FRYL: variants seen among roughly 807,000 people sequenced by gnomAD.
The protein encoded by FRYL is FRY like transcription coactivator, also known as protein furry homolog-like.
FRYL carries 150 observed loss-of-function variants against 351.2 expected under a neutral mutation model. The ratio of observed to expected loss-of-function variants is 0.43; its 90% confidence interval spans 0.37 to 0.49. The LOEUF is 0.49. FRYL is among the 20% of genes least tolerant of loss of function. The pLI, the probability that FRYL is intolerant of heterozygous loss-of-function variation, is 0.00. For synonymous variants in FRYL, 1,153 were observed against 1,257.1 expected (o/e 0.92, Z 1.75); for missense variants, 3,036 against 3,619.3 (o/e 0.84, Z 4.13).
intron 2 of FRYL, among the ~76,000 whole-genome samples, chr4:48,696,075 G>A (rs1281622056): frequency 3.3e-5 from 5 of 152,162 alleles, no homozygotes; most frequent in African/African-American, 4.8e-5. Flanking sequence ...TTACACTGTC[G>A]GTGGGAGGGT....
intron 59 of FRYL, among the ~76,000 whole-genome samples, chr4:48,507,489 C>CAATG (rs1327942723): frequency 5.3e-5 from 8 of 151,878 alleles, no homozygotes; most frequent in Non-Finnish European, 1.0e-4. Flanking sequence ...CCTGCAAGGA[C>CAATG]AATGATGGAA....
In FRYL at chr4:48,549,390, G is replaced by T; in HGVS notation, c.4784+83C>A. 8.0e-7 allele frequency: 1 copy of T among 1,251,406 alleles called. No homozygotes were observed. Among genetic ancestry groups the T allele is most frequent in the Non-Finnish European group, 1.1e-6 (1 of 906,306 alleles). The allele number at this position is 1,251,406 out of a possible 1,614,324, so 77.5% of individuals were successfully genotyped here. A position where few individuals can be genotyped will look rare whatever the true frequency, so the allele number is the denominator to read the frequency against. On this transcript the variant is annotated intron_variant, in intron 39 of 63. Coordinates refer to ENST00000358350, the MANE Select transcript of FRYL (RefSeq NM_015030.2). The surrounding 1 kb of genome is among the most constrained non-coding windows in gnomAD (Gnocchi z 4.2). ...CCATAAAGAAGATTGCTTTCATTCT[G>T]TGTTGTCAGATAGCACAAAGAAAGC...
intron 23 of FRYL, 82 bp from the exon 24 acceptor site, chr4:48,576,304 C>CTT (rs780306789): frequency 2.6e-3 from 2,015 of 764,940 alleles, no homozygotes; most frequent in African/African-American, 2.8e-3. Flanking sequence ...TGCTAAATTT[C>CTT]TTTTTTTTTT....
chr4:48,505,951 G>C (rs578063919), intron 59 of FRYL: 5 of 192,152 alleles, frequency 2.6e-5, no homozygotes, highest in Non-Finnish European at 4.2e-5. Flanking sequence ...TTTGTGTAAC[G>C]TAAGACGGGG....
intron 35 of FRYL, among the ~76,000 whole-genome samples, chr4:48,554,453 C>T (rs1291632828): frequency 1.3e-5 from 2 of 152,114 alleles, no homozygotes; most frequent in Non-Finnish European, 2.9e-5. Flanking sequence ...ATTCCCCCTG[C>T]GTCAGCCTCC....
intron 4 of FRYL, among the ~76,000 whole-genome samples, chr4:48,623,578 C>A (rs1398825417): frequency 2.6e-5 from 4 of 152,126 alleles, no homozygotes; most frequent in African/African-American, 9.7e-5. Context: ...CAGCCTAGTA[C>A]AGAGATTATC....
At chr4:48,626,498 A>C (rs1751857975) in intron 4 of FRYL, among the ~76,000 whole-genome samples, 1 of 152,068 alleles carries the variant, frequency 6.6e-6, no homozygotes, top group South Asian at 2.1e-4. Context: ...CAATTAGTTT[A>C]ACTTAAAATA....
rs373521667 is a variant in FRYL at position 48,620,634 on chromosome 4, C to G, written c.314+5G>C. 1 of 1,609,984 alleles carries G rather than the reference C, an allele frequency of 6.2e-7. No individual in the cohort carries two copies. The highest frequency in any genetic ancestry group is 8.5e-7 in the Non-Finnish European group (1 of 1,177,244). On this transcript the variant is annotated splice_donor_5th_base_variant and intron_variant, in intron 6 of 63. Coordinates refer to ENST00000358350, the MANE Select transcript of FRYL (RefSeq NM_015030.2). ...AGGTGAAACAGTGTAAAATAAAGCA[C>G]TTACCCCTTAGACTTTGTGCTAGAC...
At chr4:48,522,248 T>C (rs1342886197) in intron 54 of FRYL, among the ~76,000 whole-genome samples, 4 of 152,280 alleles carry the variant, frequency 2.6e-5, no homozygotes, top group South Asian at 2.1e-4. Flanking sequence ...GCCACTGCAC[T>C]CCAGCCTGGG....
At position 48,760,716 on chromosome 4, in the gene FRYL, G is replaced by A. The variant is rs148391988; in HGVS notation, c.-384+19362C>T. On this transcript the variant is annotated intron_variant, in intron 1 of 63. Coordinates refer to ENST00000358350, the MANE Select transcript of FRYL (RefSeq NM_015030.2). ...TTTAGAGACAGACTCTCACTCTGTCGCCCAGGCTGGAGTGCAATGGTGCAA... is the reference window on the plus strand; with the variant it reads ...TTTAGAGACAGACTCTCACTCTGTCACCCAGGCTGGAGTGCAATGGTGCAA... Among the ~76,000 whole-genome samples, 19 of 152,120 alleles carry A rather than the reference G, an allele frequency of 1.2e-4. No individual in the cohort carries two copies. The East Asian group carries it at 2.7e-3, about 22-fold the overall frequency.
chr4:48,609,843 T>A lies in FRYL; in HGVS notation c.412-20A>T, dbSNP rs1196210481. Reference sequence around the variant, plus strand: ...AGGAATCTAGAATTTAAAAAAATTATCAAGTAAGAGTTAAATTATTGGTTT... The same window carrying A: ...AGGAATCTAGAATTTAAAAAAATTAACAAGTAAGAGTTAAATTATTGGTTT... On this transcript the variant is annotated intron_variant, in intron 7 of 63. Transcript: ENST00000358350. 1.5e-6 allele frequency: 2 copies of A among 1,366,358 alleles called. No individual in the cohort carries two copies. The highest frequency in any genetic ancestry group is 1.0e-6 in the Non-Finnish European group (1 of 981,232). 84.6% of individuals were successfully genotyped at this position (1,366,358 alleles called of 1,614,324 possible).
At chr4:48,577,827 G>GA (rs1739956193) in intron 23 of FRYL, among the ~76,000 whole-genome samples, 1 of 151,586 alleles carries the variant, frequency 6.6e-6, no homozygotes, top group Non-Finnish European at 1.5e-5. Context: ...AATGAGCTAT[G>GA]ATTACACCTC....
At chr4:48,743,341 A>C (rs1772324989) in intron 1 of FRYL, among the ~76,000 whole-genome samples, 1 of 152,182 alleles carries the variant, frequency 6.6e-6, no homozygotes, top group Admixed American at 6.5e-5. Flanking sequence ...ATAAGTTCAA[A>C]GAGGCTTAGA....
At chr4:48,704,250 G>A (rs976599409) in intron 2 of FRYL, among the ~76,000 whole-genome samples, 2 of 152,032 alleles carry the variant, frequency 1.3e-5, no homozygotes, top group African/African-American at 4.8e-5. Context: ...AGAAAAGGGG[G>A]CTAAAGAAAT....
rs1014324035 is a variant in FRYL, at chr4:48,717,660, C to A, written c.-383-6962G>T. The stretch of plus-strand genomic sequence containing the variant: ...TGTTCAAGCAATCCTCCTGCCTCAG[C>A]CTCCAGGGTACCTAGAAGTGCAGGA... On this transcript the variant is annotated intron_variant, in intron 1 of 63. Coordinates refer to ENST00000358350, the MANE Select transcript of FRYL (RefSeq NM_015030.2). Among the ~76,000 whole-genome samples the A allele has an allele frequency of 2.0e-5, 3 of 151,526 alleles. 1 individual carries two copies. Among genetic ancestry groups the A allele is most frequent in the Non-Finnish European group, 4.4e-5 (3 of 67,842 alleles).
intron 4 of FRYL, among the ~76,000 whole-genome samples, chr4:48,623,702 G>A (rs1259776732): frequency 1.3e-5 from 2 of 151,858 alleles, no homozygotes; most frequent in African/African-American, 4.8e-5. Context: ...AAAACAAGGC[G>A]GTTGTCAAAT....
intron 25 of FRYL, among the ~76,000 whole-genome samples, chr4:48,573,698 C>T (rs1275866097): frequency 6.6e-6 from 1 of 151,976 alleles, no homozygotes; most frequent in Non-Finnish European, 1.5e-5. Flanking sequence ...TACAGGCATG[C>T]ACCACTATGC....
intron 3 of FRYL, among the ~76,000 whole-genome samples, chr4:48,661,592 A>C (rs1373970829): frequency 1.3e-5 from 2 of 152,212 alleles, no homozygotes; most frequent in Non-Finnish European, 2.9e-5. Context: ...CTCTAAACCA[A>C]GCTGCAAAGG....
chr4:48,581,044 AT>A (rs755903429), intron 21 of FRYL, 93 bp from the exon 22 acceptor site: 100,185 of 496,436 alleles, frequency 0.2, 4 homozygotes, highest in Middle Eastern at 0.24. Flanking sequence ...CTTCAGCACT[AT>A]TTTTTTTTTT....
Sources: gnomAD v4.1 joint callset for allele counts (sites outside exome capture counted in the v4.1 genomes callset) on GRCh38, gnomAD v4.1.1 for gene constraint, Gnocchi (gnomAD v3.1) non-coding constraint, MANE v1.5 for transcripts, NCBI Gene and HGNC (gene_info 2026-07-23, HGNC 2026-07-21) for gene names.